Variants in PLEK observed in about 807,000 individuals in gnomAD.
The protein encoded by PLEK is platelet 47 kDa protein.
A neutral mutation model predicts 43.9 loss-of-function variants in PLEK; 25 were observed. The observed-to-expected ratio is 0.57, with a 90% CI of 0.41 to 0.79. The LOEUF (loss-of-function observed/expected upper bound fraction) is 0.79, where lower values mean the gene tolerates loss of function less well. Ranked by LOEUF, PLEK falls within the 30% of genes least tolerant of loss-of-function variation. PLEK has a pLI of 0.00. For synonymous variants in PLEK, 152 were observed against 144.4 expected (o/e 1.05, Z -0.38); for missense variants, 396 against 413.3 (o/e 0.96, Z 0.36).
chr2:68,393,080 A>G (rs886471844), intron 6 of PLEK, 82 bp from the exon 7 acceptor site: 4 of 846,032 alleles, frequency 4.7e-6, no homozygotes, highest in Non-Finnish European at 6.1e-6. Flanking sequence ...AATTCAGCAA[A>G]TAATTATTCT....
At chr2:68,381,012 T>C in intron 3 of PLEK, 108 bp downstream of exon 3, 1 of 933,834 alleles carries the variant, frequency 1.1e-6, no homozygotes, top group African/African-American at 1.6e-5. Context: ...GTATCCACTC[T>C]GCCAGGTCAA....
At chr2:68,369,850 A>G (rs1219260198) in intron 1 of PLEK, among the ~76,000 whole-genome samples, 1 of 152,212 alleles carries the variant, frequency 6.6e-6, no homozygotes, top group Non-Finnish European at 1.5e-5. Context: ...TCTCTGTGCC[A>G]TTTCTGTATT....
At chr2:68,382,659 A>C in intron 4 of PLEK, 26 bp downstream of exon 4, 3 of 1,318,672 alleles carry the variant, frequency 2.3e-6, no homozygotes, top group Middle Eastern at 1.8e-4. Flanking sequence ...GGCCTGAAAT[A>C]GGGCGACTGG....
At chr2:68,365,568 A>G (rs3770651) in intron 1 of PLEK, 175 bp downstream of exon 1, 246,021 of 562,488 alleles carry the variant, frequency 0.44, 56,693 homozygotes, top group East Asian at 0.7. Context: ...GAGTGGGGAT[A>G]CTCATCCAGC....
At chr2:68,377,553 G>T (rs1275671879) in intron 1 of PLEK, among the ~76,000 whole-genome samples, 3 of 152,102 alleles carry the variant, frequency 2.0e-5, no homozygotes, top group Non-Finnish European at 1.5e-5. Flanking sequence ...ATGCACACTT[G>T]CCATTTGTAT....
chr2:68,367,363 G>T (rs1300119650), intron 1 of PLEK, among the ~76,000 whole-genome samples: 4 of 151,460 alleles, frequency 2.6e-5, no homozygotes, highest in African/African-American at 9.7e-5. Context: ...AGATCATTTT[G>T]TTACCTAAGT....
At position 68,380,334 on chromosome 2, in the gene PLEK, G is replaced by C; in HGVS notation, c.49G>C (p.Val17Leu). The change falls in exon 2 of 9, where the codon GTG becomes CTG. Residue 17 changes from valine (V) to leucine (L), a missense_variant. Val to Leu is a conservative substitution (Grantham distance 32, BLOSUM62 1). Transcript: ENST00000234313. The part of the protein sequence containing the change: ...REGYLVKKGS[V>L]FNTWKPMWVV... ...CTTTTGGTTGTCATTACAGGGGAGC[G>C]TGTTCAATACGTGGAAACCCATGTG... is the stretch of plus-strand genomic sequence containing the variant. 1 of 1,612,182 alleles carries C rather than the reference G, an allele frequency of 6.2e-7. No individual in the cohort carries two copies. The highest frequency in any genetic ancestry group is 1.3e-5 in the African/African-American group (1 of 74,996).
chr2:68,395,545 T>G lies in PLEK; in HGVS notation c.917-135T>G, dbSNP rs78872283. The stretch of plus-strand genomic sequence containing the variant: ...AATTATCCTATAATCATACCTTGTT[T>G]GTATGTTTGAAAGCCACATAGTCAA... On this transcript the variant is annotated intron_variant, in intron 8 of 8. Coordinates refer to ENST00000234313, the MANE Select transcript of PLEK (RefSeq NM_002664.3). 2.3e-3 allele frequency: 1,925 copies of G among 843,430 alleles called. 27 individuals are homozygous for G. In the African/African-American group the frequency reaches 0.029, roughly 13 times the overall value. The allele number at this position is 843,430 out of a possible 1,614,324, so 52.2% of individuals were successfully genotyped here.
At chr2:68,388,043 C>T (rs1673782643) in intron 5 of PLEK, 1 of 217,978 alleles carries the variant, frequency 4.6e-6, no homozygotes, top group Non-Finnish European at 9.1e-6. Flanking sequence ...AAGGATGTGA[C>T]CATGATATCC....
chr2:68,382,782 C>T, intron 4 of PLEK, 149 bp downstream of exon 4: 2 of 567,564 alleles, frequency 3.5e-6, no homozygotes, highest in South Asian at 5.6e-5. Context: ...GAAGCTCCTA[C>T]AGAGTGAAAA....
At chr2:68,367,458 T>C (rs372178872) in intron 1 of PLEK, among the ~76,000 whole-genome samples, 24 of 152,312 alleles carry the variant, frequency 1.6e-4, no homozygotes, top group East Asian at 7.7e-4. Flanking sequence ...AGCGTCTCAT[T>C]TGATATTTTA....
chr2:68,388,515 T>G (rs1428220811), intron 6 of PLEK, 24 bp downstream of exon 6: 3 of 1,219,618 alleles, frequency 2.5e-6, no homozygotes. Flanking sequence ...ACTGCTCCCA[T>G]CTAGCCTTTT....
Position 68,382,415 on chromosome 2 carries a change from G to C in PLEK, c.381-127G>C. The C allele has an allele frequency of 1.3e-5, 8 of 614,600 alleles. No homozygotes were observed. The South Asian group carries it at 1.6e-4, about 12-fold the overall frequency. 38.1% of individuals were successfully genotyped at this position (614,600 alleles called of 1,614,324 possible). A position where few individuals can be genotyped will look rare whatever the true frequency, so the allele number is the denominator to read the frequency against. Reference sequence around the variant, plus strand: ...CTGATGGAGGGAGATTAAGCTCAGGGGATACCTGGGGTGGGGGAGCTTGTG... The same window carrying C: ...CTGATGGAGGGAGATTAAGCTCAGGCGATACCTGGGGTGGGGGAGCTTGTG... On this transcript the variant is annotated intron_variant, in intron 3 of 8. Transcript: ENST00000234313.
intron 1 of PLEK, among the ~76,000 whole-genome samples, chr2:68,377,634 C>G (rs1329571222): frequency 6.6e-6 from 1 of 152,050 alleles, no homozygotes; most frequent in Non-Finnish European, 1.5e-5. Flanking sequence ...TTTTTTTCCT[C>G]TAGAGTTGTC....
intron 1 of PLEK, among the ~76,000 whole-genome samples, chr2:68,378,101 C>G (rs1333760890): frequency 6.6e-6 from 1 of 152,062 alleles, no homozygotes; most frequent in Non-Finnish European, 1.5e-5. Context: ...ACATTATTCA[C>G]ATATAAGCAT....
In PLEK at chr2:68,388,283, G is replaced by C; in HGVS notation, c.658-104G>C. On this transcript the variant is annotated intron_variant, in intron 5 of 8. Coordinates refer to ENST00000234313, the MANE Select transcript of PLEK (RefSeq NM_002664.3). ...ATGTACACAGGAATGGAGGAAAAAG[G>C]AGGAGGCTGCCCTCATGGCTGGAGG... The C allele has an allele frequency of 4.3e-6, 3 of 704,388 alleles. No homozygotes were observed. The South Asian group carries it at 4.7e-5, about 11-fold the overall frequency. The allele number at this position is 704,388 out of a possible 1,614,324, so 43.6% of individuals were successfully genotyped here.
chr2:68,373,983 A>G (rs538271406), intron 1 of PLEK, among the ~76,000 whole-genome samples: 2 of 152,328 alleles, frequency 1.3e-5, no homozygotes, highest in Admixed American at 6.5e-5. Context: ...TTAAAAGTTA[A>G]GCCCACAGAA....
intron 1 of PLEK, among the ~76,000 whole-genome samples, chr2:68,375,937 A>T (rs893474007): frequency 4.6e-5 from 7 of 152,176 alleles, no homozygotes; most frequent in Admixed American, 1.3e-4. Flanking sequence ...GATTTTTTTA[A>T]GGGCTACATT....
intron 1 of PLEK, among the ~76,000 whole-genome samples, chr2:68,378,454 G>A (rs533836340): frequency 5.3e-5 from 8 of 152,282 alleles, no homozygotes; most frequent in South Asian, 2.1e-4. Flanking sequence ...GAAACCAAAG[G>A]GAAGTGTGTT....
Sources: allele counts gnomAD v4.1 joint callset (sites outside exome capture counted in the v4.1 genomes callset), GRCh38; gene constraint gnomAD v4.1.1; transcripts MANE v1.5; gene names NCBI Gene and HGNC (gene_info 2026-07-23, HGNC 2026-07-21).